The following ITGB3BP variants were observed in gnomAD, a reference collection of about 807,000 sequenced individuals.
The protein encoded by ITGB3BP is integrin subunit beta 3 binding protein, also known as centromere protein R.
Under a neutral mutation model 29.1 loss-of-function variants are expected in ITGB3BP, and 27 were observed. That is an observed-to-expected ratio of 0.93 (90% CI 0.68 to 1.28). The LOEUF (loss-of-function observed/expected upper bound fraction) is 1.28, where lower values mean the gene tolerates loss of function less well. Ranked by LOEUF, ITGB3BP falls within the 50% of genes most tolerant of loss-of-function variation. The pLI is 0.00. For synonymous variants in ITGB3BP, 61 were observed against 61.4 expected (o/e 0.99, Z 0.03); for missense variants, 192 against 200.2 (o/e 0.96, Z 0.25).
At chr1:63,494,135 CCAA>C (rs1394276924) in intron 2 of ITGB3BP, among the ~76,000 whole-genome samples, 1 of 152,100 alleles carries the variant, frequency 6.6e-6, no homozygotes, top group Non-Finnish European at 1.5e-5. Flanking sequence ...TAGATACCAA[CCAA>C]CAACCTTCTT....
intron 2 of ITGB3BP, among the ~76,000 whole-genome samples, chr1:63,500,711 C>G (rs377313295): frequency 2.0e-5 from 3 of 152,138 alleles, no homozygotes; most frequent in Admixed American, 2.0e-4. Flanking sequence ...AATTTCCCAA[C>G]TGAATCTGCA....
At chr1:63,475,426 A>G (rs965729877) in intron 4 of ITGB3BP, among the ~76,000 whole-genome samples, 1 of 152,172 alleles carries the variant, frequency 6.6e-6, no homozygotes, top group Non-Finnish European at 1.5e-5. Flanking sequence ...GGGTAGTAAC[A>G]TACCTGTACT....
chr1:63,493,993 T>C (rs907372335), intron 2 of ITGB3BP, among the ~76,000 whole-genome samples: 9 of 152,222 alleles, frequency 5.9e-5, no homozygotes, highest in South Asian at 2.1e-4. Context: ...ATTTAGGCTA[T>C]TGGAGTGTCC....
Position 63,508,553 on chromosome 1 carries a change from T to A in ITGB3BP, c.23A>T (p.Lys8Met). 1 of 1,426,194 alleles carries A rather than the reference T, an allele frequency of 7.0e-7. No homozygotes were observed. Among genetic ancestry groups the A allele is most frequent in the Non-Finnish European group, 9.5e-7 (1 of 1,048,894 alleles). The allele number at this position is 1,426,194 out of a possible 1,614,324, so 88.3% of individuals were successfully genotyped here. Reference protein sequence around the residue: MPVKRSLKLDGLLEENSF... With the variant: MPVKRSLMLDGLLEENSF... ...ATTTTCTTCTAACAGACCATCCAAC[T>A]TCAGTGATCTTTTAACACTACAAAC... The change falls in exon 2 of 9, where the codon AAG (lysine) becomes ATG (methionine). Residue 8 changes from lysine to methionine, a missense_variant. Physicochemically the swap from Lys to Met is moderately conservative, Grantham distance 95. Transcript: ENST00000271002.
intron 7 of ITGB3BP, chr1:63,447,720 C>T: frequency 6.5e-5 from 29 of 448,658 alleles, no homozygotes; most frequent in South Asian, 4.1e-4. Flanking sequence ...AACACTTTTA[C>T]ACTGTTGGTG....
intron 1 of ITGB3BP, among the ~76,000 whole-genome samples, chr1:63,515,758 G>A (rs1485193304): frequency 7.4e-5 from 11 of 148,798 alleles, no homozygotes; most frequent in South Asian, 2.1e-4. Context: ...CTCGGGAGGC[G>A]GAGGTTGCAG....
At chr1:63,516,359 G>T (rs1646324811) in intron 1 of ITGB3BP, among the ~76,000 whole-genome samples, 1 of 75,990 alleles carries the variant, frequency 1.3e-5, no homozygotes, top group Non-Finnish European at 3.2e-5. Flanking sequence ...GGGGAAGGTG[G>T]GGGAGAAGGG....
At chr1:63,525,890 A>G (rs893094448), upstream of ITGB3BP, 5 of 622,572 alleles carry the variant, frequency 8.0e-6, no homozygotes, top group African/African-American at 9.6e-5. Flanking sequence ...ATGGAACTAC[A>G]GTAAGCTATT....
At chr1:63,473,502 G>A (rs1367351350) in intron 4 of ITGB3BP, among the ~76,000 whole-genome samples, 13 of 142,266 alleles carry the variant, frequency 9.1e-5, no homozygotes, top group South Asian at 2.3e-4. Context: ...CCGGCCAGCC[G>A]CCCAGTCCGG....
Position 63,520,857 on chromosome 1 carries a change from A to G in ITGB3BP, c.5+2272T>C, listed in dbSNP as rs550962576. 5.3e-5 allele frequency among the ~76,000 whole-genome samples: 8 copies of G among 152,298 alleles called. No homozygotes were observed. In the East Asian group the frequency reaches 1.3e-3, roughly 26 times the overall value. On this transcript the variant is annotated intron_variant, in intron 1 of 8. Transcript: ENST00000271002. ...TTAACAATAATCTTATCATATACAT[A>G]TATAACCATAAGTAGCTTATTTTTG...
At chr1:63,512,191 G>C (rs375877696) in intron 1 of ITGB3BP, among the ~76,000 whole-genome samples, 3 of 152,076 alleles carry the variant, frequency 2.0e-5, no homozygotes, top group Admixed American at 6.5e-5. Context: ...ATTTTAAAAA[G>C]ATAGAAAGCA....
At chr1:63,443,504 T>C (rs570580309) in intron 8 of ITGB3BP, among the ~76,000 whole-genome samples, 3 of 152,224 alleles carry the variant, frequency 2.0e-5, no homozygotes, top group East Asian at 3.9e-4. Context: ...ATGAAGAAAC[T>C]GGAAAGGTAA....
chr1:63,517,412 AAAAT>A (rs747425805), intron 1 of ITGB3BP, among the ~76,000 whole-genome samples: 16 of 151,566 alleles, frequency 1.1e-4, no homozygotes, highest in East Asian at 9.7e-4. Context: ...AAATAAATAA[AAAAT>A]AAATAAAAAT....
At chr1:63,527,797 T>G (rs948109342), upstream of ITGB3BP, 1 of 152,190 alleles carries the variant, frequency 6.6e-6, no homozygotes, top group Admixed American at 6.5e-5. Flanking sequence ...ACCAGTACAT[T>G]TTTTAAAACA....
chr1:63,449,290 T>C (rs1373351628), intron 7 of ITGB3BP: 1 of 152,498 alleles, frequency 6.6e-6, no homozygotes, highest in African/African-American at 2.4e-5. Context: ...TGGATATTTG[T>C]AATGTCTGAT....
At chr1:63,486,764 C>T (rs1645538793) in intron 3 of ITGB3BP, among the ~76,000 whole-genome samples, 1 of 151,906 alleles carries the variant, frequency 6.6e-6, no homozygotes, top group African/African-American at 2.4e-5. Flanking sequence ...TCAAGGTTTC[C>T]AGCATAGCCC....
At chr1:63,492,717 G>T (rs1311219017) in intron 2 of ITGB3BP, among the ~76,000 whole-genome samples, 1 of 151,440 alleles carries the variant, frequency 6.6e-6, no homozygotes, top group East Asian at 2.0e-4. Flanking sequence ...GGAAGAAAGA[G>T]TAAGAGGGCT....
chr1:63,520,872 G>C (rs1257280989), intron 1 of ITGB3BP, among the ~76,000 whole-genome samples: 1 of 152,004 alleles, frequency 6.6e-6, no homozygotes, highest in Non-Finnish European at 1.5e-5. Flanking sequence ...ACCATAAGTA[G>C]CTTATTTTTG....
intron 4 of ITGB3BP, among the ~76,000 whole-genome samples, chr1:63,461,650 T>C (rs550255309): frequency 5.7e-4 from 87 of 152,334 alleles, no homozygotes; most frequent in Non-Finnish European, 1.1e-3. Context: ...TTACATATGC[T>C]GTGAGGTAGG....
Sources: allele counts gnomAD v4.1 joint callset (sites outside exome capture counted in the v4.1 genomes callset), GRCh38; gene constraint gnomAD v4.1.1; transcripts MANE v1.5; gene names NCBI Gene and HGNC (gene_info 2026-07-23, HGNC 2026-07-21).